Variants in JADE3 observed in about 807,000 individuals in gnomAD.
JADE3 encodes the protein protein Jade-3.
Under a neutral mutation model 50.1 loss-of-function variants are expected in JADE3, and 2 were observed. The observed-to-expected ratio is 0.04, with a 90% CI of 0.02 to 0.13. The LOEUF is 0.13. Among genes scored for constraint, JADE3 ranks in the 10% least tolerant of loss-of-function variants. JADE3 has a pLI of 1.00. For missense variants in JADE3, 475 were observed against 634.4 expected, an observed-to-expected ratio of 0.75 and a Z score of 2.70; for synonymous variants, 218 against 232.9, an observed-to-expected ratio of 0.94 and a Z score of 0.58.
At chrX:47,010,511 C>T (rs782369449) in intron 4 of JADE3, among the ~76,000 whole-genome samples, 2 of 112,071 alleles carry the variant, frequency 1.8e-5, no homozygotes, top group African/African-American at 3.2e-5. Flanking sequence ...CCACCGCGCC[C>T]GGCCATGTAA....
At chrX:46,946,092 G>T (rs2147113941) in intron 1 of JADE3, among the ~76,000 whole-genome samples, 1 of 111,731 alleles carries the variant, frequency 9.0e-6, no homozygotes, top group South Asian at 3.8e-4. Flanking sequence ...AGATCAAGAG[G>T]GTGCCCTTTC....
chrX:47,015,140 A>G (rs1357550334), intron 4 of JADE3, among the ~76,000 whole-genome samples: 1 of 112,602 alleles, frequency 8.9e-6, no homozygotes. Flanking sequence ...TCAGAATGTA[A>G]AAACAAAAAA....
intron 1 of JADE3, among the ~76,000 whole-genome samples, chrX:46,966,584 G>A (rs1438879270): frequency 9.0e-6 from 1 of 111,689 alleles, no homozygotes; most frequent in Admixed American, 9.6e-5. Context: ...TGATCAGCGT[G>A]TCAAATGCAG....
At position 47,033,745 on chromosome X, in the gene JADE3, G is replaced by A; in HGVS notation, c.812G>A (p.Gly271Glu). The A allele has an allele frequency of 8.4e-7, 1 of 1,190,554 alleles. No individual in the cohort carries two copies. The highest frequency in any genetic ancestry group is 1.1e-6 in the Non-Finnish European group (1 of 884,540). Residue 271 changes from glycine (G) to glutamate (E), a missense_variant, in exon 7 of 11, where the codon GGG becomes GAG. This residue lies in a region of JADE3 where 54 missense variants were observed against 156.2 expected (regional missense o/e 0.35). Coordinates refer to ENST00000614628, the MANE Select transcript of JADE3 (RefSeq NM_014735.5). Reference protein sequence around the residue: ...KGGALKTTKTGTKWAHVSCAL... With the variant: ...KGGALKTTKTETKWAHVSCAL... Reference sequence around the variant, plus strand: ...GGAGCCCTGAAGACCACCAAGACAGGGACTAAATGGGCTCATGTCAGCTGT... The same window carrying A: ...GGAGCCCTGAAGACCACCAAGACAGAGACTAAATGGGCTCATGTCAGCTGT...
intron 7 of JADE3, among the ~76,000 whole-genome samples, chrX:47,036,477 G>A (rs1387009809): frequency 1.8e-5 from 2 of 109,258 alleles, no homozygotes; most frequent in African/African-American, 6.7e-5. Flanking sequence ...TGGAGAGGAT[G>A]TGGAGAAATA....
chrX:46,982,710 G>A (rs1927783085), intron 1 of JADE3, among the ~76,000 whole-genome samples: 1 of 111,343 alleles, frequency 9.0e-6, no homozygotes, highest in Non-Finnish European at 1.9e-5. Flanking sequence ...GTACAAGCTT[G>A]TGTATGCCCA....
At chrX:46,982,617 G>T (rs1340692369) in intron 1 of JADE3, among the ~76,000 whole-genome samples, 5 of 110,764 alleles carry the variant, frequency 4.5e-5, no homozygotes, top group African/African-American at 1.6e-4. Context: ...TTTAGTAACT[G>T]CCTGGATTAT....
intron 4 of JADE3, among the ~76,000 whole-genome samples, chrX:47,023,789 C>G (rs782748534): frequency 8.9e-6 from 1 of 112,200 alleles, no homozygotes; most frequent in Admixed American, 9.4e-5. Context: ...TGCCTGTAAT[C>G]CCAGCTACTG....
At chrX:47,004,369 C>T (rs931368284) in intron 4 of JADE3, among the ~76,000 whole-genome samples, 9 of 112,293 alleles carry the variant, frequency 8.0e-5, no homozygotes, top group African/African-American at 2.9e-4. Flanking sequence ...ATGGAATTCT[C>T]CAATGAAACA....
chrX:46,975,607 T>C (rs1008770515), intron 1 of JADE3, among the ~76,000 whole-genome samples: 3 of 111,176 alleles, frequency 2.7e-5, no homozygotes, highest in Non-Finnish European at 5.7e-5. Flanking sequence ...ATTATTCCTC[T>C]TTTGTGTGAT....
intron 1 of JADE3, among the ~76,000 whole-genome samples, chrX:46,976,018 G>A (rs1556351542): frequency 2.7e-5 from 3 of 110,436 alleles, no homozygotes; most frequent in African/African-American, 9.9e-5. Flanking sequence ...GTGAACCACC[G>A]TGCCCAGCCT....
chrX:46,981,089 C>A (rs1927741890), intron 1 of JADE3, among the ~76,000 whole-genome samples: 1 of 111,237 alleles, frequency 9.0e-6, no homozygotes, highest in African/African-American at 3.3e-5. Flanking sequence ...TGAGTTCTCC[C>A]CTGTAGCCTC....
At chrX:46,927,189 G>A (rs782293701) in intron 1 of JADE3, among the ~76,000 whole-genome samples, 10 of 111,933 alleles carry the variant, frequency 8.9e-5, no homozygotes, top group Admixed American at 2.8e-4. Flanking sequence ...CAGTTTCCTC[G>A]TTTGTAAAAT....
intron 1 of JADE3, among the ~76,000 whole-genome samples, chrX:46,946,047 G>C (rs1556343337): frequency 8.9e-6 from 1 of 111,905 alleles, no homozygotes; most frequent in East Asian, 2.8e-4. Context: ...AGAGTAGCAG[G>C]TAAAGAATTA....
At chrX:46,973,204 G>A (rs185563123) in intron 1 of JADE3, among the ~76,000 whole-genome samples, 1 of 112,476 alleles carries the variant, frequency 8.9e-6, no homozygotes, top group African/African-American at 3.2e-5. Flanking sequence ...AGAGATAATT[G>A]TGGTTGACAA....
intron 1 of JADE3, among the ~76,000 whole-genome samples, chrX:46,977,099 C>T (rs1927643833): frequency 8.9e-6 from 1 of 111,981 alleles, no homozygotes; most frequent in Non-Finnish European, 1.9e-5. Context: ...GTGGCTCACG[C>T]CTGCAATCCC....
Position 46,971,396 on chromosome X carries a change from G to A in JADE3, c.-11-13488G>A, listed in dbSNP as rs1199519319. 9.1e-5 allele frequency among the ~76,000 whole-genome samples: 10 copies of A among 109,378 alleles called. 1 individual carries two copies. In the South Asian group the frequency reaches 3.2e-3, roughly 35 times the overall value. The allele number at this position is 109,378 out of a possible 115,157, so 95.0% of individuals were successfully genotyped here. On this transcript the variant is annotated intron_variant, in intron 1 of 10. Coordinates refer to ENST00000614628, the MANE Select transcript of JADE3 (RefSeq NM_014735.5). ...CTCCCAACGTGCTGGGATTACAGGC[G>A]TAAGCCCCCGTGCCCAGCTGAAATT...
At chrX:47,057,442 A>T (rs1480420299) in intron 10 of JADE3, among the ~76,000 whole-genome samples, 4 of 111,490 alleles carry the variant, frequency 3.6e-5, no homozygotes, top group Admixed American at 2.9e-4. Context: ...TTGTAGGATG[A>T]CTTAACTGAG....
At chrX:46,940,845 A>G (rs990059680) in intron 1 of JADE3, among the ~76,000 whole-genome samples, 2 of 112,032 alleles carry the variant, frequency 1.8e-5, no homozygotes, top group Non-Finnish European at 3.8e-5. Flanking sequence ...TTAAGGCACA[A>G]ATCATCTTGT....
Sources: gnomAD v4.1 joint callset for allele counts (sites outside exome capture counted in the v4.1 genomes callset) on GRCh38, gnomAD v4.1.1 for gene constraint, gnomAD v4.1.1 regional missense constraint, MANE v1.5 for transcripts, NCBI Gene and HGNC (gene_info 2026-07-23, HGNC 2026-07-21) for gene names.